PEX26: variants seen among roughly 807,000 people sequenced by gnomAD.
The protein encoded by PEX26 is peroxisome assembly protein 26.
A neutral mutation model predicts 31.4 loss-of-function variants in PEX26; 18 were observed. The observed-to-expected ratio is 0.57, with a 90% CI of 0.40 to 0.85. PEX26 has a LOEUF of 0.85. Among genes scored for constraint, PEX26 ranks in the 40% least tolerant of loss-of-function variants. The pLI is 0.00. For synonymous variants in PEX26, 176 were observed against 166.9 expected (o/e 1.05, Z -0.42); for missense variants, 377 against 383.9 (o/e 0.98, Z 0.15).
chr22:18,089,429 T>A lies in PEX26; in HGVS notation c.*1354T>A, dbSNP rs1926985948. ...CCTTAGGGAGGTGGCACCGAGGCCT[T>A]AGCATTTGAGGAGCTGAAATGTTTC... On this transcript the variant is annotated 3_prime_UTR_variant, in exon 5 of 5. Transcript: ENST00000399744. The A allele has an allele frequency of 1.3e-5, 2 of 152,666 alleles. No individual in the cohort carries two copies. Among genetic ancestry groups the A allele is most frequent in the African/African-American group, 4.8e-5 (2 of 41,440 alleles). 9.5% of individuals were successfully genotyped at this position (152,666 alleles called of 1,614,324 possible).
In PEX26 at chr22:18,085,186, T is replaced by G. The variant is rs1242355055; in HGVS notation, c.742T>G (p.Phe248Val). 7 of 1,614,028 alleles carry G rather than the reference T, an allele frequency of 4.3e-6. No individual in the cohort carries two copies. The Admixed American group carries it at 6.7e-5, about 15-fold the overall frequency. Residue 248 changes from phenylalanine (F) to valine (V), a missense_variant, in exon 4 of 5, where the codon TTT (phenylalanine) becomes GTT (valine). Physicochemically the swap from Phe to Val is conservative, Grantham distance 50. Transcript: ENST00000399744. ...TTGGGACTCTGCGGTGAGCCACTTCTTTTCTCTGCCCTTCAAAAAGAGTCT... is the reference window on the plus strand; with the variant it reads ...TTGGGACTCTGCGGTGAGCCACTTCGTTTCTCTGCCCTTCAAAAAGAGTCT... ...QLWDSAVSHFFSLPFKKSLLA... is the reference protein window; with the variant it reads ...QLWDSAVSHFVSLPFKKSLLA...
intron 3 of PEX26, among the ~76,000 whole-genome samples, chr22:18,083,944 G>A (rs1926728214): frequency 2.6e-5 from 4 of 152,230 alleles, no homozygotes; most frequent in Admixed American, 6.5e-5. Context: ...CACATGGGAA[G>A]GTGTTGCTGG....
At chr22:18,084,224 A>C (rs1602463668) in intron 3 of PEX26, among the ~76,000 whole-genome samples, 1 of 146,312 alleles carries the variant, frequency 6.8e-6, no homozygotes, top group African/African-American at 2.5e-5. Context: ...ACAGAAAGTC[A>C]CCATCTCTCT....
rs1926992522 is a variant in PEX26, at chr22:18,089,554, G to A, written c.*1479G>A. The A allele has an allele frequency of 6.6e-6, 1 of 152,326 alleles. No individual in the cohort carries two copies. The highest frequency in any genetic ancestry group is 2.1e-4 in the South Asian group (1 of 4,816). The allele number at this position is 152,326 out of a possible 1,614,324, so 9.4% of individuals were successfully genotyped here. On this transcript the variant is annotated 3_prime_UTR_variant, in exon 5 of 5. Coordinates refer to ENST00000399744, the MANE Select transcript of PEX26 (RefSeq NM_001127649.3). ...CAGGATGAAGAAGGGCTTTCTGCAG[G>A]GGCTGGCCTTTCTCTACCCAGAGGC...
chr22:18,079,820 G>GAATGGA, intron 1 of PEX26, 54 bp from the exon 2 acceptor site: 2 of 1,607,408 alleles, frequency 1.2e-6, no homozygotes, highest in South Asian at 1.1e-5. Flanking sequence ...GTGGAGGTGG[G>GAATGGA]AATGGAAATG....
Position 18,078,679 on chromosome 22 carries a change from G to C in PEX26, c.230+73G>C, listed in dbSNP as rs769333579. ...TGGGGCTCAAGGTCTCAGGAGTTCT[G>C]TCCTTCCCAGATTGCCCACAAGGAG... On this transcript the variant is annotated intron_variant, in intron 1 of 4. Coordinates refer to ENST00000399744, the MANE Select transcript of PEX26 (RefSeq NM_001127649.3). 76 of 1,344,916 alleles carry C rather than the reference G, an allele frequency of 5.7e-5. No individual in the cohort carries two copies. The South Asian group carries it at 7.3e-4, about 13-fold the overall frequency. The allele number at this position is 1,344,916 out of a possible 1,614,324, so 83.3% of individuals were successfully genotyped here.
At position 18,079,899 on chromosome 22, in the gene PEX26, T is replaced by A; in HGVS notation, c.256T>A (p.Cys86Ser). ...CTCATTGGAGGTGAAGTGCTCCCTG[T>A]GTGTTGTGGGGATCCAGGCCCTGGC... is the stretch of plus-strand genomic sequence containing the variant. Reference protein sequence around the residue: ...GTSLEVKCSLCVVGIQALAEM... With the variant: ...GTSLEVKCSLSVVGIQALAEM... Residue 86 changes from cysteine to serine, a missense_variant, in exon 2 of 5, where the codon TGT becomes AGT. Transcript: ENST00000399744. 1 of 1,614,130 alleles carries A rather than the reference T, an allele frequency of 6.2e-7. No homozygotes were observed. The highest frequency in any genetic ancestry group is 8.5e-7 in the Non-Finnish European group (1 of 1,180,004).
intron 1 of PEX26, 36 bp downstream of exon 1, chr22:18,078,642 G>A: frequency 6.4e-7 from 1 of 1,570,540 alleles, no homozygotes; most frequent in Non-Finnish European, 8.6e-7. Context: ...CGATTTCCGG[G>A]CGCTCTTGTG....
Position 18,101,478 on chromosome 22 carries a change from G to C in PEX26, c.*13403G>C, listed in dbSNP as rs765640436. ...ACCCTTTTCCCTCAACTGCTTGGTG[G>C]GGAGTAGCGAGGAGAAGGAGCATGT... On this transcript the variant is annotated 3_prime_UTR_variant, in exon 5 of 5. Transcript: ENST00000399744. 1 of 156,394 alleles carries C rather than the reference G, an allele frequency of 6.4e-6. No homozygotes were observed. Among genetic ancestry groups the C allele is most frequent in the Admixed American group, 6.5e-5 (1 of 15,416 alleles). 9.7% of individuals were successfully genotyped at this position (156,394 alleles called of 1,614,324 possible).
rs1228257115 is a variant in PEX26, at chr22:18,089,168, C to T, written c.*1093C>T. The T allele has an allele frequency of 1.3e-5, 2 of 152,920 alleles. No homozygotes were observed. The highest frequency in any genetic ancestry group is 4.8e-5 in the African/African-American group (2 of 41,422). The allele number at this position is 152,920 out of a possible 1,614,324, so 9.5% of individuals were successfully genotyped here. A position where few individuals can be genotyped will look rare whatever the true frequency, so the allele number is the denominator to read the frequency against. On this transcript the variant is annotated 3_prime_UTR_variant, in exon 5 of 5. Coordinates refer to ENST00000399744, the MANE Select transcript of PEX26 (RefSeq NM_001127649.3). ...CTGTTTCACCAGGTTCTGCCTGTAT[C>T]CTTGCCTCCTTGGTACACACCATTT... is the stretch of plus-strand genomic sequence containing the variant.
intron 2 of PEX26, 126 bp downstream of exon 2, chr22:18,080,140 T>A (rs958867166): frequency 1.6e-5 from 16 of 1,016,462 alleles, no homozygotes; most frequent in Non-Finnish European, 2.3e-5. Context: ...TTCCCTTCAC[T>A]TTTTTTTCCC....
Position 18,101,719 on chromosome 22 carries a change from A to G in PEX26, c.*13644A>G. On this transcript the variant is annotated 3_prime_UTR_variant, in exon 5 of 5. Coordinates refer to ENST00000399744, the MANE Select transcript of PEX26 (RefSeq NM_001127649.3). ...AGTGATGAAATCACCCTCTCCTTTA[A>G]GACCTGGCATTACAATGGCCTCATC... The G allele has an allele frequency of 3.7e-6, 1 of 271,540 alleles. No individual in the cohort carries two copies. Among genetic ancestry groups the G allele is most frequent in the Non-Finnish European group, 7.0e-6 (1 of 143,354 alleles). 16.8% of individuals were successfully genotyped at this position (271,540 alleles called of 1,614,324 possible).
chr22:18,102,803 T>C lies in PEX26; in HGVS notation c.*14728T>C, dbSNP rs1299924025. ...AATACATTTATTAAAAATAGGCATGTAGCCGGGCGCAGTGGCTCACACCTG... is the reference window on the plus strand; with the variant it reads ...AATACATTTATTAAAAATAGGCATGCAGCCGGGCGCAGTGGCTCACACCTG... On this transcript the variant is annotated 3_prime_UTR_variant, in exon 5 of 5. Coordinates refer to ENST00000399744, the MANE Select transcript of PEX26 (RefSeq NM_001127649.3). 9 of 152,068 alleles carry C rather than the reference T, an allele frequency of 5.9e-5. No homozygotes were observed. The highest frequency in any genetic ancestry group is 1.2e-4 in the Non-Finnish European group (8 of 67,980). The allele number at this position is 152,068 out of a possible 1,614,324, so 9.4% of individuals were successfully genotyped here.
chr22:18,098,007 T>C lies in PEX26; in HGVS notation c.*9932T>C, dbSNP rs554133207. 6.6e-6 allele frequency: 1 copy of C among 152,400 alleles called. No individual in the cohort carries two copies. Among genetic ancestry groups the C allele is most frequent in the South Asian group, 2.1e-4 (1 of 4,834 alleles). The allele number at this position is 152,400 out of a possible 1,614,324, so 9.4% of individuals were successfully genotyped here. A position where few individuals can be genotyped will look rare whatever the true frequency, so the allele number is the denominator to read the frequency against. On this transcript the variant is annotated 3_prime_UTR_variant, in exon 5 of 5. Coordinates refer to ENST00000399744, the MANE Select transcript of PEX26 (RefSeq NM_001127649.3). Reference sequence around the variant, plus strand: ...GCAGGTGGATCATGAGGCCAGGAGTTTGAGACCAGCCTGGCCAACATGATG... The same window carrying C: ...GCAGGTGGATCATGAGGCCAGGAGTCTGAGACCAGCCTGGCCAACATGATG...
chr22:18,085,847 G>C (rs2123658581), intron 4 of PEX26, among the ~76,000 whole-genome samples: 1 of 152,106 alleles, frequency 6.6e-6, no homozygotes, highest in Admixed American at 6.5e-5. Context: ...ACTCCAGCCT[G>C]GGCAATAGAG....
Position 18,095,734 on chromosome 22 carries a change from C to T in PEX26, c.*7659C>T, listed in dbSNP as rs531099147. ...TTTTTTTTTTTTTGAGAAACAAGGC[C>T]TAACCCCAATGGAGTAATTTGCTGC... On this transcript the variant is annotated 3_prime_UTR_variant, in exon 5 of 5. Coordinates refer to ENST00000399744, the MANE Select transcript of PEX26 (RefSeq NM_001127649.3). The T allele has an allele frequency of 6.7e-6, 1 of 148,950 alleles. No individual in the cohort carries two copies. Among genetic ancestry groups the T allele is most frequent in the Non-Finnish European group, 1.5e-5 (1 of 67,614 alleles). The allele number at this position is 148,950 out of a possible 1,614,324, so 9.2% of individuals were successfully genotyped here.
rs1332712249 is a variant in PEX26, at chr22:18,095,403, G to A, written c.*7328G>A. ...CCAGTGGACTTAGCTGGGTCTCAAA[G>A]AATGGGCTGCTTTCTCTGGAAAGCT... On this transcript the variant is annotated 3_prime_UTR_variant, in exon 5 of 5. Transcript: ENST00000399744. The A allele has an allele frequency of 1.3e-5, 2 of 152,182 alleles. No homozygotes were observed. Among genetic ancestry groups the A allele is most frequent in the African/African-American group, 2.4e-5 (1 of 41,436 alleles). 9.4% of individuals were successfully genotyped at this position (152,182 alleles called of 1,614,324 possible).
chr22:18,087,368 C>G (rs1420320005), intron 4 of PEX26, among the ~76,000 whole-genome samples: 2 of 152,208 alleles, frequency 1.3e-5, no homozygotes, highest in Non-Finnish European at 2.9e-5. Flanking sequence ...AGCCATCATG[C>G]CTGGCCAGCG....
chr22:18,091,149 G>C lies in PEX26; in HGVS notation c.*3074G>C, dbSNP rs375185053. 6 of 152,334 alleles carry C rather than the reference G, an allele frequency of 3.9e-5. No homozygotes were observed. The highest frequency in any genetic ancestry group is 1.4e-4 in the African/African-American group (6 of 41,564). The allele number at this position is 152,334 out of a possible 1,614,324, so 9.4% of individuals were successfully genotyped here. ...TCTGGAGTAGCTGGGCCTACAGTGT[G>C]TGCTGCCACACCCAGCTAATACAGT... On this transcript the variant is annotated 3_prime_UTR_variant, in exon 5 of 5. Transcript: ENST00000399744.
Sources: gnomAD v4.1 joint callset for allele counts (sites outside exome capture counted in the v4.1 genomes callset) on GRCh38, gnomAD v4.1.1 for gene constraint, MANE v1.5 for transcripts, NCBI Gene and HGNC (gene_info 2026-07-23, HGNC 2026-07-21) for gene names.